The following DCC variants were observed in gnomAD, a reference collection of about 807,000 sequenced individuals.
The protein encoded by DCC is netrin receptor DCC.
In DCC, 58 loss-of-function variants were observed where a neutral mutation model predicts 172.5. The ratio of observed to expected loss-of-function variants is 0.34; its 90% CI spans 0.27 to 0.42. The LOEUF is 0.42. Ranked by LOEUF, DCC falls within the 10% of genes least tolerant of loss-of-function variation. The probability of loss-of-function intolerance (pLI) is 1.00; values close to 1 mark genes in which losing one functional copy is unlikely to be tolerated. For missense variants in DCC, 1,740 were observed against 1,791.0 expected (o/e 0.97, Z 0.51); for synonymous variants, 709 against 644.5 (o/e 1.10, Z -1.52).
chr18:52,658,303 T>G (rs891603124), intron 1 of DCC, among the ~76,000 whole-genome samples: 2 of 152,236 alleles, frequency 1.3e-5, no homozygotes, highest in Admixed American at 6.5e-5. Context: ...TTTGATTTGA[T>G]TTCTGATTAA....
At chr18:52,551,025 T>A (rs1276935502) in intron 1 of DCC, among the ~76,000 whole-genome samples, 2 of 152,046 alleles carry the variant, frequency 1.3e-5, no homozygotes, top group South Asian at 4.1e-4. Flanking sequence ...TGTATTTGTA[T>A]CTTTGTGAAT....
chr18:52,548,521 G>T (rs1182711343), intron 1 of DCC, among the ~76,000 whole-genome samples: 1 of 152,008 alleles, frequency 6.6e-6, no homozygotes, highest in Non-Finnish European at 1.5e-5. Context: ...GTTCTAGGCT[G>T]GTTATATATC....
rs1211797627 is a variant in DCC, at chr18:53,086,512, TTC to T, written c.1261+20348_1261+20349del. On this transcript the variant is annotated intron_variant, in intron 7 of 28. Transcript: ENST00000442544. ...CTTTCTTCTTCTTCCTTTCTTCTTC[TTC>T]TTCTTTCTTCTTCCTTCTTCTTCTT... is the stretch of plus-strand genomic sequence containing the variant. Among the ~76,000 whole-genome samples the T allele has an allele frequency of 4.3e-3, 238 of 55,004 alleles. 108 individuals carry two copies. In the African/African-American group the frequency reaches 0.045, roughly 10 times the overall value. The allele number at this position is 55,004 out of a possible 152,430, so 36.1% of individuals were successfully genotyped here.
chr18:52,373,888 ATT>A (rs1296846491), intron 1 of DCC, among the ~76,000 whole-genome samples: 13 of 127,324 alleles, frequency 1.0e-4, no homozygotes, highest in African/African-American at 3.6e-4. Flanking sequence ...TGGTTGCATC[ATT>A]TTTTTTTTTT....
intron 5 of DCC, among the ~76,000 whole-genome samples, chr18:53,044,347 CT>C (rs2042208533): frequency 6.6e-6 from 1 of 151,778 alleles, no homozygotes; most frequent in Admixed American, 6.6e-5. Context: ...GCTTTGATAA[CT>C]TGCATAGTAT....
intron 9 of DCC, among the ~76,000 whole-genome samples, chr18:53,196,997 A>G (rs1184358583): frequency 6.6e-6 from 1 of 152,066 alleles, no homozygotes; most frequent in East Asian, 1.9e-4. Context: ...TTGATGTTGC[A>G]TTCCCCATAC....
chr18:53,308,130 T>G (rs1389454514), intron 13 of DCC, among the ~76,000 whole-genome samples: 2 of 151,340 alleles, frequency 1.3e-5, no homozygotes, highest in East Asian at 1.9e-4. Flanking sequence ...GCTAATAGTG[T>G]TTTTGAAAAC....
intron 1 of DCC, among the ~76,000 whole-genome samples, chr18:52,494,344 A>G (rs1471769983): frequency 1.3e-5 from 2 of 150,088 alleles, no homozygotes; most frequent in East Asian, 4.0e-4. Flanking sequence ...CCTGGAGTTC[A>G]CTTAGATTCT....
intron 25 of DCC, among the ~76,000 whole-genome samples, chr18:53,479,269 G>A (rs895273255): frequency 5.9e-5 from 9 of 152,120 alleles, no homozygotes; most frequent in Non-Finnish European, 8.8e-5. Context: ...TATTCTTTGA[G>A]TCTTCGATGA....
chr18:52,760,915 A>C (rs918526775), intron 2 of DCC, among the ~76,000 whole-genome samples: 1 of 152,206 alleles, frequency 6.6e-6, no homozygotes, highest in Admixed American at 6.5e-5. Flanking sequence ...TATAGATGAA[A>C]GTAATGAATA....
chr18:52,979,214 G>A (rs536044559), intron 5 of DCC, among the ~76,000 whole-genome samples: 1 of 152,338 alleles, frequency 6.6e-6, no homozygotes, highest in South Asian at 2.1e-4. Context: ...GCAAAAGATG[G>A]AGGTACAGGA....
intron 7 of DCC, among the ~76,000 whole-genome samples, chr18:53,066,904 G>A (rs188161305): frequency 7.9e-5 from 12 of 152,212 alleles, no homozygotes; most frequent in African/African-American, 2.9e-4. Flanking sequence ...GGGGCAGCAA[G>A]TGCATCTTAT....
intron 7 of DCC, among the ~76,000 whole-genome samples, chr18:53,066,579 A>C (rs1339718161): frequency 6.6e-6 from 1 of 150,914 alleles, no homozygotes; most frequent in Non-Finnish European, 1.5e-5. Context: ...TAAAATATAT[A>C]ATATATACCT....
intron 26 of DCC, 49 bp from the exon 27 acceptor site, chr18:53,499,249 A>G: frequency 6.3e-7 from 1 of 1,596,808 alleles, no homozygotes; most frequent in South Asian, 1.1e-5. Flanking sequence ...CTTAAGGAAA[A>G]CAGACTTTGT....
intron 12 of DCC, among the ~76,000 whole-genome samples, chr18:53,242,761 T>G (rs1357392047): frequency 6.6e-6 from 1 of 152,110 alleles, no homozygotes; most frequent in Non-Finnish European, 1.5e-5. Flanking sequence ...CCAAAAAAAA[T>G]GTGCCAGTAT....
At chr18:52,607,744 G>A (rs966683026) in intron 1 of DCC, among the ~76,000 whole-genome samples, 10 of 152,126 alleles carry the variant, frequency 6.6e-5, no homozygotes, top group Admixed American at 5.9e-4. Flanking sequence ...TGCAGGTAGA[G>A]TTTATATTCT....
intron 14 of DCC, among the ~76,000 whole-genome samples, chr18:53,334,091 A>G (rs1302559218): frequency 6.6e-6 from 1 of 152,178 alleles, no homozygotes; most frequent in Non-Finnish European, 1.5e-5. Context: ...ACACATTACA[A>G]ATGTCCTAAA....
chr18:53,466,995 C>CA (rs2045629753), intron 24 of DCC, among the ~76,000 whole-genome samples: 1 of 151,862 alleles, frequency 6.6e-6, no homozygotes, highest in African/African-American at 2.4e-5. Context: ...AAAATGCATG[C>CA]ATATGATAAA....
At chr18:53,144,919 C>A (rs1303538663) in intron 7 of DCC, among the ~76,000 whole-genome samples, 1 of 151,904 alleles carries the variant, frequency 6.6e-6, no homozygotes, top group Non-Finnish European at 1.5e-5. Flanking sequence ...AAGGTCATAT[C>A]ATCAAATTTT....
Sources: gnomAD v4.1 joint callset for allele counts (sites outside exome capture counted in the v4.1 genomes callset) on GRCh38, gnomAD v4.1.1 for gene constraint, MANE v1.5 for transcripts, NCBI Gene and HGNC (gene_info 2026-07-23, HGNC 2026-07-21) for gene names.